Variants in GRM7 observed in about 807,000 individuals in gnomAD.
GRM7 encodes metabotropic glutamate receptor 7.
Under a neutral mutation model 84.5 loss-of-function variants are expected in GRM7, and 35 were observed. The ratio of observed to expected loss-of-function variants is 0.41; its 90% CI spans 0.32 to 0.55. GRM7 has a LOEUF of 0.55. Ranked by LOEUF, GRM7 falls within the 20% of genes least tolerant of loss-of-function variation. The pLI is 0.19. For missense variants in GRM7, 1,003 were observed against 1,194.6 expected, an observed-to-expected ratio of 0.84 and a Z score of 2.36; for synonymous variants, 487 against 455.1, an observed-to-expected ratio of 1.07 and a Z score of -0.89.
intron 4 of GRM7, among the ~76,000 whole-genome samples, chr3:7,352,040 T>TCA (rs1033361524): frequency 2.1e-4 from 28 of 132,198 alleles, no homozygotes; most frequent in African/African-American, 6.4e-4. Context: ...TCTCTCTCTC[T>TCA]CACACACACA....
At chr3:7,654,480 A>C (rs1699094499) in intron 8 of GRM7, among the ~76,000 whole-genome samples, 1 of 152,198 alleles carries the variant, frequency 6.6e-6, no homozygotes, top group Non-Finnish European at 1.5e-5. Flanking sequence ...AATGGAGGGA[A>C]TCAGAAGCTG....
At chr3:6,946,153 A>T in intron 1 of GRM7, among the ~76,000 whole-genome samples, 1 of 152,096 alleles carries the variant, frequency 6.6e-6, no homozygotes, top group Non-Finnish European at 1.5e-5. Context: ...GTCCTGAATC[A>T]TATTGCCTAG....
chr3:7,472,347 T>A (rs1323055199), intron 7 of GRM7, among the ~76,000 whole-genome samples: 6 of 121,928 alleles, frequency 4.9e-5, no homozygotes. Context: ...ATGTTATGAA[T>A]GTGTAAATAG....
chr3:7,339,247 G>T (rs887659297), intron 4 of GRM7, among the ~76,000 whole-genome samples: 1 of 152,050 alleles, frequency 6.6e-6, no homozygotes, highest in African/African-American at 2.4e-5. Flanking sequence ...ATATATACCT[G>T]CAAGAGATTG....
chr3:7,095,952 G>A (rs1359710362), intron 1 of GRM7, among the ~76,000 whole-genome samples: 1 of 151,764 alleles, frequency 6.6e-6, no homozygotes, highest in Non-Finnish European at 1.5e-5. Context: ...ATATATTTTA[G>A]GTATACATTG....
chr3:7,410,579 C>CAAA (rs1436236132), intron 4 of GRM7, among the ~76,000 whole-genome samples: 1 of 127,078 alleles, frequency 7.9e-6, no homozygotes, highest in African/African-American at 3.1e-5. Flanking sequence ...CTCAAAAAAA[C>CAAA]AAAATATATA....
chr3:6,893,033 A>G (rs905389080), intron 1 of GRM7: 1 of 152,200 alleles, frequency 6.6e-6, no homozygotes, highest in Non-Finnish European at 1.5e-5. Flanking sequence ...CATCAGTAAC[A>G]TTTATTGATT....
At chr3:7,180,478 A>G (rs977018129) in intron 2 of GRM7, among the ~76,000 whole-genome samples, 2 of 152,100 alleles carry the variant, frequency 1.3e-5, no homozygotes, top group Non-Finnish European at 2.9e-5. Context: ...GCTCAGAATG[A>G]CCTACATTTT....
chr3:7,604,551 A>T (rs1696470861), intron 8 of GRM7, among the ~76,000 whole-genome samples: 1 of 152,090 alleles, frequency 6.6e-6, no homozygotes, highest in African/African-American at 2.4e-5. Context: ...TAATGCTCAG[A>T]CCCCGTAAAG....
At chr3:7,325,963 T>C (rs1700968512) in intron 4 of GRM7, among the ~76,000 whole-genome samples, 1 of 152,110 alleles carries the variant, frequency 6.6e-6, no homozygotes, top group African/African-American at 2.4e-5. Context: ...TGTTTCATCG[T>C]AATGAGTAAC....
chr3:7,712,056 T>C (rs764112764), intron 9 of GRM7, among the ~76,000 whole-genome samples: 2 of 152,228 alleles, frequency 1.3e-5, no homozygotes, highest in African/African-American at 2.4e-5. Context: ...CTTTGACTTA[T>C]GAGCACTCCA....
chr3:7,560,362 G>A (rs184231067), intron 7 of GRM7: 129 of 152,174 alleles, frequency 8.5e-4, no homozygotes, highest in African/African-American at 3.0e-3. Flanking sequence ...TTGCAAGTCT[G>A]TTGATAATCA....
At chr3:6,987,765 G>A (rs1394903787) in intron 1 of GRM7, among the ~76,000 whole-genome samples, 2 of 152,192 alleles carry the variant, frequency 1.3e-5, no homozygotes, top group Non-Finnish European at 2.9e-5. Context: ...TGTATGAAGA[G>A]TGGAGTATTG....
chr3:7,431,496 G>A (rs960426172), intron 5 of GRM7, among the ~76,000 whole-genome samples: 3 of 152,140 alleles, frequency 2.0e-5, no homozygotes, highest in South Asian at 2.1e-4. Context: ...AACGGCATAC[G>A]CTGTATGCAG....
intron 1 of GRM7, among the ~76,000 whole-genome samples, chr3:7,100,697 G>A (rs939988503): frequency 6.6e-6 from 1 of 151,512 alleles, no homozygotes; most frequent in African/African-American, 2.4e-5. Context: ...TAAGAGTTTT[G>A]GTAAATGTAT....
intron 1 of GRM7, among the ~76,000 whole-genome samples, chr3:7,082,308 T>A (rs1334859613): frequency 1.3e-5 from 2 of 152,118 alleles, no homozygotes; most frequent in African/African-American, 4.8e-5. Flanking sequence ...TTATGATTAA[T>A]CTACTCTGTC....
intron 2 of GRM7, among the ~76,000 whole-genome samples, chr3:7,282,887 A>C (rs779314289): frequency 6.6e-6 from 1 of 152,202 alleles, no homozygotes; most frequent in South Asian, 2.1e-4. Flanking sequence ...GGACCAGAGG[A>C]ATTTACATTT....
chr3:6,890,969 C>A (rs1695914325), intron 1 of GRM7, among the ~76,000 whole-genome samples: 2 of 151,996 alleles, frequency 1.3e-5, no homozygotes, highest in Non-Finnish European at 2.9e-5. Context: ...TTGAATTGAT[C>A]CCTTTACCAT....
intron 1 of GRM7, among the ~76,000 whole-genome samples, chr3:6,871,194 T>G (rs1426942846): frequency 6.6e-6 from 1 of 152,126 alleles, no homozygotes; most frequent in African/African-American, 2.4e-5. Context: ...CTATAAACAT[T>G]TAGAGGAAGC....
Sources: gnomAD v4.1 joint callset for allele counts (sites outside exome capture counted in the v4.1 genomes callset) on GRCh38, gnomAD v4.1.1 for gene constraint, MANE v1.5 for transcripts, NCBI Gene and HGNC (gene_info 2026-07-23, HGNC 2026-07-21) for gene names.